Variants in ZNF274 observed in about 807,000 individuals in gnomAD.
The protein encoded by ZNF274 is neurotrophin receptor-interacting factor homolog.
Under a neutral mutation model 42.5 loss-of-function variants are expected in ZNF274, and 23 were observed. The ratio of observed to expected loss-of-function variants is 0.54; its 90% CI spans 0.39 to 0.77. The LOEUF (loss-of-function observed/expected upper bound fraction) is 0.77, where lower values mean the gene tolerates loss of function less well. ZNF274 is among the 30% of genes least tolerant of loss of function. ZNF274 has a pLI of 0.00. For missense variants in ZNF274, 679 were observed against 806.5 expected, an observed-to-expected ratio of 0.84 and a Z score of 1.91; for synonymous variants, 292 against 305.4, an observed-to-expected ratio of 0.96 and a Z score of 0.46.
chr19:58,211,670 G>T lies in ZNF274; in HGVS notation c.963G>T (p.Gly321=), dbSNP rs367910927. 69 of 1,613,074 alleles carry T rather than the reference G, an allele frequency of 4.3e-5. No individual in the cohort carries two copies. Among genetic ancestry groups the T allele is most frequent in the Non-Finnish European group, 5.9e-5 (69 of 1,179,398 alleles). ...GCGATGTGATGCTGGAGACCTTTGG[G>T]CACCTGGTCTCTGTGGGTAAGGCTG... ...EYRDVMLETF[G]HLVSVGWETT... The change falls in exon 7 of 8, where the codon GGG becomes GGT. Residue 321 remains glycine (G), a synonymous_variant. Transcript: ENST00000617501. This position sits in a 1 kb window ranked among gnomAD's most constrained non-coding sequence, Gnocchi z 4.8.
At chr19:58,201,457 C>T (rs886289991) in intron 4 of ZNF274, among the ~76,000 whole-genome samples, 1 of 151,978 alleles carries the variant, frequency 6.6e-6, no homozygotes. Context: ...AGAACCAAAC[C>T]GGATCATCCA....
intron 4 of ZNF274, among the ~76,000 whole-genome samples, chr19:58,195,310 C>T (rs1399760432): frequency 6.6e-6 from 1 of 151,948 alleles, no homozygotes; most frequent in African/African-American, 2.4e-5. Context: ...TTTGAATTGT[C>T]CCATGTCTTA....
At chr19:58,210,409 A>G (rs529153477) in intron 6 of ZNF274, 11 of 196,772 alleles carry the variant, frequency 5.6e-5, no homozygotes, top group African/African-American at 2.6e-4. Context: ...AGAGCCCTCA[A>G]CCTTCAGAAA....
At chr19:58,190,252 A>T (rs1447714962) in intron 4 of ZNF274, among the ~76,000 whole-genome samples, 3 of 146,344 alleles carry the variant, frequency 2.0e-5, no homozygotes, top group Non-Finnish European at 4.5e-5. Flanking sequence ...GGTTCAAGTG[A>T]TTCTCGTGCC....
In ZNF274 at chr19:58,211,508, T is replaced by C; in HGVS notation, c.853-52T>C. 1 of 1,564,482 alleles carries C rather than the reference T, an allele frequency of 6.4e-7. No individual in the cohort carries two copies. Among genetic ancestry groups the C allele is most frequent in the Non-Finnish European group, 8.7e-7 (1 of 1,150,902 alleles). ...CAGCTGGCCTTTCTTCTGCCCTCATTGACAACCCTCTGACCCTCTTGCTGA... is the reference window on the plus strand; with the variant it reads ...CAGCTGGCCTTTCTTCTGCCCTCATCGACAACCCTCTGACCCTCTTGCTGA... On this transcript the variant is annotated intron_variant, in intron 6 of 7. Transcript: ENST00000617501. The surrounding 1 kb of genome is among the most constrained non-coding windows in gnomAD (Gnocchi z 4.8).
rs568288424 is a variant in ZNF274 at position 58,186,794 on chromosome 19, A to G, written c.161-153A>G. Reference sequence around the variant, plus strand: ...TTGGCAAAGGAGTCTAGGAAAGCCAACAACAGGGATGGATGGAGTTGTGTT... The same window carrying G: ...TTGGCAAAGGAGTCTAGGAAAGCCAGCAACAGGGATGGATGGAGTTGTGTT... On this transcript the variant is annotated intron_variant, in intron 3 of 7. Coordinates refer to ENST00000617501, the MANE Select transcript of ZNF274 (RefSeq NM_133502.3). 5.3e-5 allele frequency among the ~76,000 whole-genome samples: 8 copies of G among 152,326 alleles called. No homozygotes were observed. In the South Asian group the frequency reaches 6.2e-4, roughly 12 times the overall value.
chr19:58,189,049 C>T (rs1261829247), intron 4 of ZNF274, among the ~76,000 whole-genome samples: 3 of 151,994 alleles, frequency 2.0e-5, no homozygotes, highest in African/African-American at 7.3e-5. Context: ...TTCCGCACAA[C>T]GGACCAAGTT....
chr19:58,210,105 C>G (rs1322333503), intron 6 of ZNF274, 32 bp downstream of exon 6: 2 of 1,589,614 alleles, frequency 1.3e-6, no homozygotes, highest in Admixed American at 3.4e-5. Flanking sequence ...GTTTTGGTCA[C>G]AGCATCTCCT....
intron 2 of ZNF274, chr19:58,184,571 C>T (rs1340351546): frequency 6.5e-6 from 1 of 153,914 alleles, no homozygotes. Flanking sequence ...TCTCGGCCTC[C>T]CAAAGGTCTA....
Position 58,207,396 on chromosome 19 carries a change from C to T in ZNF274, c.739+194C>T, listed in dbSNP as rs58057186. Among the ~76,000 whole-genome samples, 477 of 152,288 alleles carry T rather than the reference C, an allele frequency of 3.1e-3. 2 individuals are homozygous for T. Among genetic ancestry groups the T allele is most frequent in the African/African-American group, 0.011 (455 of 41,552 alleles). ...GAAACCCTTGCATTCTTTAGCCCTT[C>T]GTGGGCTTCTGATGGAAGCACACAG... On this transcript the variant is annotated intron_variant, in intron 5 of 7. Coordinates refer to ENST00000617501, the MANE Select transcript of ZNF274 (RefSeq NM_133502.3). The surrounding 1 kb of genome is among the most constrained non-coding windows in gnomAD (Gnocchi z 5.6).
Position 58,208,851 on chromosome 19 carries a change from G to A in ZNF274, c.740-1110G>A, listed in dbSNP as rs1264482548. On this transcript the variant is annotated intron_variant, in intron 5 of 7. Transcript: ENST00000617501. This position sits in a 1 kb window ranked among gnomAD's most constrained non-coding sequence, Gnocchi z 4.5. ...AAGGAGACAGTTGTGGGGTTAATGA[G>A]GTGAAAGTCAGTGAATTCACCCTGT... is the stretch of plus-strand genomic sequence containing the variant. The A allele has an allele frequency of 1.3e-5, 2 of 152,204 alleles. No individual in the cohort carries two copies. The highest frequency in any genetic ancestry group is 2.9e-5 in the Non-Finnish European group (2 of 68,038). 9.4% of individuals were successfully genotyped at this position (152,204 alleles called of 1,614,324 possible). A position where few individuals can be genotyped will look rare whatever the true frequency, so the allele number is the denominator to read the frequency against.
intron 4 of ZNF274, among the ~76,000 whole-genome samples, chr19:58,189,829 G>T (rs1306532492): frequency 6.6e-6 from 1 of 151,936 alleles, no homozygotes; most frequent in East Asian, 1.9e-4. Flanking sequence ...TAAATTCTTT[G>T]ATCTTTTTTG....
At chr19:58,185,903 T>C (rs2075692280) in intron 3 of ZNF274, 65 bp downstream of exon 3, 2 of 1,308,826 alleles carry the variant, frequency 1.5e-6, no homozygotes, top group Non-Finnish European at 2.0e-6. Context: ...ACCTCTGAAG[T>C]ATGTGTCTGC....
chr19:58,195,521 G>T (rs2075831334), intron 4 of ZNF274, among the ~76,000 whole-genome samples: 1 of 144,516 alleles, frequency 6.9e-6, no homozygotes, highest in South Asian at 2.2e-4. Context: ...AAAGTGGTCA[G>T]TTTCTCCCAA....
At chr19:58,188,620 AATATAT>A (rs60934983) in intron 4 of ZNF274, among the ~76,000 whole-genome samples, 918 of 70,290 alleles carry the variant, frequency 0.013, 26 homozygotes, top group African/African-American at 0.026. Context: ...AAAAAAAAAA[AATATAT>A]ATATATATAT....
intron 4 of ZNF274, among the ~76,000 whole-genome samples, chr19:58,191,028 T>G (rs1320518438): frequency 1.3e-5 from 2 of 152,262 alleles, no homozygotes; most frequent in Non-Finnish European, 2.9e-5. Flanking sequence ...TTCAAAGTTT[T>G]TCCTTCCATT....
In ZNF274 at chr19:58,211,426, T is replaced by A; in HGVS notation, c.853-134T>A. On this transcript the variant is annotated intron_variant, in intron 6 of 7. Coordinates refer to ENST00000617501, the MANE Select transcript of ZNF274 (RefSeq NM_133502.3). This position sits in a 1 kb window ranked among gnomAD's most constrained non-coding sequence, Gnocchi z 4.8. ...CTTGTGGGCCCTGGGTTGGTGTCTC[T>A]GAGCAAATCCCCAAAGCAGGAGAGT... The A allele has an allele frequency of 2.4e-6, 3 of 1,234,984 alleles. No homozygotes were observed. The highest frequency in any genetic ancestry group is 3.3e-6 in the Non-Finnish European group (3 of 913,772). 76.5% of individuals were successfully genotyped at this position (1,234,984 alleles called of 1,614,324 possible).
intron 4 of ZNF274, among the ~76,000 whole-genome samples, chr19:58,203,226 G>T (rs983886728): frequency 6.6e-6 from 1 of 152,088 alleles, no homozygotes. Flanking sequence ...CACTTAGTCC[G>T]GTGCTGCTGG....
In ZNF274 at chr19:58,183,399, A is replaced by C. The variant is rs989162012; in HGVS notation, c.-89A>C. On this transcript the variant is annotated 5_prime_UTR_variant, in exon 1 of 8. Coordinates refer to ENST00000617501, the MANE Select transcript of ZNF274 (RefSeq NM_133502.3). The stretch of plus-strand genomic sequence containing the variant: ...GTAGTTCGGGACGGCGGGCTGACGC[A>C]CTTCGCCGCCGGCCGACGGGCGCCA... 6.6e-6 allele frequency: 1 copy of C among 152,184 alleles called. No homozygotes were observed. The highest frequency in any genetic ancestry group is 2.0e-4 in the East Asian group (1 of 5,118). The allele number at this position is 152,184 out of a possible 1,614,324, so 9.4% of individuals were successfully genotyped here. A position where few individuals can be genotyped will look rare whatever the true frequency, so the allele number is the denominator to read the frequency against.
Sources: gnomAD v4.1 joint callset for allele counts (sites outside exome capture counted in the v4.1 genomes callset) on GRCh38, gnomAD v4.1.1 for gene constraint, Gnocchi (gnomAD v3.1) non-coding constraint, MANE v1.5 for transcripts, NCBI Gene and HGNC (gene_info 2026-07-23, HGNC 2026-07-21) for gene names.